The following HDAC6 variants were observed in gnomAD, a reference collection of about 807,000 sequenced individuals.
HDAC6 encodes histone deacetylase 6.
A neutral mutation model predicts 88.9 loss-of-function variants in HDAC6; 5 were observed. The ratio of observed to expected loss-of-function variants is 0.06; its 90% CI spans 0.03 to 0.12. HDAC6 has a LOEUF of 0.12. Among genes scored for constraint, HDAC6 ranks in the 10% least tolerant of loss-of-function variants. The pLI is 1.00. For synonymous variants in HDAC6, 378 were observed against 398.0 expected, an observed-to-expected ratio of 0.95 and a Z score of 0.60; for missense variants, 706 against 1,014.4, an observed-to-expected ratio of 0.70 and a Z score of 4.13.
At position 48,823,042 on chromosome X, in the gene HDAC6, A is replaced by C. The variant is rs1557030591; in HGVS notation, c.2643A>C (p.Lys881Asn). 3 of 1,211,364 alleles carry C rather than the reference A, an allele frequency of 2.5e-6. No individual in the cohort carries two copies. Among genetic ancestry groups the C allele is most frequent in the East Asian group, 3.0e-5 (1 of 33,843 alleles). ...EKKVLEAGMG[K>N]VTSASFGEES... is the part of the protein sequence containing the mutation. ...AGGTTCTGGAAGCAGGCATGGGGAA[A>C]GTCACCTCGGCATCATTTGGGGAAG... is the stretch of plus-strand genomic sequence containing the variant. The change falls in exon 25 of 29, where the codon AAA (lysine) becomes AAC (asparagine). Residue 881 changes from lysine (K) to asparagine (N), a missense_variant. By Grantham distance (94) the Lys-to-Asn change is moderately conservative. Transcript: ENST00000334136.
chrX:48,823,531 A>G lies in HDAC6; in HGVS notation c.3132A>G (p.Ile1044Met), dbSNP rs367767249. The G allele has an allele frequency of 6.0e-4, 730 of 1,208,169 alleles. No homozygotes were observed. Among genetic ancestry groups the G allele is most frequent in the Middle Eastern group, 1.4e-3 (6 of 4,373 alleles). The change falls in exon 25 of 29, where the codon ATA becomes ATG. Residue 1044 changes from isoleucine to methionine, a missense_variant. Ile to Met is a conservative substitution (Grantham distance 10). Around this residue, in one of 9 missense-constraint regions of HDAC6, gnomAD observed 112 missense variants for 95.1 expected, o/e 1.18. Coordinates refer to ENST00000334136, the MANE Select transcript of HDAC6 (RefSeq NM_006044.4). ...TSPVQGTTPQISPSTLIGSLR... is the reference protein window; with the variant it reads ...TSPVQGTTPQMSPSTLIGSLR... ...CTGTGCAGGGAACTACACCCCAGATATCTCCCAGTACACTGATTGGGAGTC... is the reference window on the plus strand; with the variant it reads ...CTGTGCAGGGAACTACACCCCAGATGTCTCCCAGTACACTGATTGGGAGTC...
chrX:48,812,061 T>TA (rs1284228028), intron 10 of HDAC6, among the ~76,000 whole-genome samples: 5 of 112,687 alleles, frequency 4.4e-5, no homozygotes, highest in Non-Finnish European at 7.5e-5. Flanking sequence ...TAACAATAAT[T>TA]ATTTTTTTAA....
At chrX:48,805,608 C>T (rs375526405) in intron 5 of HDAC6, 23 bp from the exon 6 acceptor site, 339 of 1,185,928 alleles carry the variant, frequency 2.9e-4, no homozygotes, top group Non-Finnish European at 3.7e-4. Context: ...CTTTACCCCA[C>T]TTTATTCCTC....
intron 14 of HDAC6, 24 bp downstream of exon 14, chrX:48,815,075 C>T (rs782721379): frequency 8.9e-7 from 1 of 1,125,033 alleles, no homozygotes; most frequent in South Asian, 1.9e-5. Flanking sequence ...CTTCGTCCCT[C>T]AGCCTGTGGA....
chrX:48,817,329 C>T lies in HDAC6; in HGVS notation c.1795C>T (p.Leu599=). Residue 599 remains leucine, a synonymous_variant, in exon 20 of 29, where the codon CTG becomes TTG. Coordinates refer to ENST00000334136, the MANE Select transcript of HDAC6 (RefSeq NM_006044.4). The part of the protein sequence containing the change: ...LVEAVLSGEV[L]NGAAVVRPPG... Reference sequence around the variant, plus strand: ...TTAGCACCCTGCTGCTTCCCAGGTTCTGAATGGTGCTGCTGTGGTGCGTCC... The same window carrying T: ...TTAGCACCCTGCTGCTTCCCAGGTTTTGAATGGTGCTGCTGTGGTGCGTCC... The T allele has an allele frequency of 8.3e-7, 1 of 1,200,047 alleles. No homozygotes were observed. The highest frequency in any genetic ancestry group is 1.1e-6 in the Non-Finnish European group (1 of 889,224).
intron 14 of HDAC6, 147 bp from the exon 15 acceptor site, chrX:48,815,237 A>G (rs2062964198): frequency 3.6e-6 from 2 of 557,575 alleles, no homozygotes; most frequent in African/African-American, 4.6e-5. Context: ...ATCACCTCAT[A>G]TCATTGTCCA....
At position 48,805,687 on chromosome X, in the gene HDAC6, C is replaced by T. The variant is rs782497046; in HGVS notation, c.437+16C>T. Reference sequence around the variant, plus strand: ...TGGTTCACAGGTGAAGGCTTGGGAGCCTTGTAGGGATGGGGAGGAGCCTGC... The same window carrying T: ...TGGTTCACAGGTGAAGGCTTGGGAGTCTTGTAGGGATGGGGAGGAGCCTGC... On this transcript the variant is annotated intron_variant, in intron 6 of 28. Transcript: ENST00000334136. 1.0e-4 allele frequency: 115 copies of T among 1,154,213 alleles called. No homozygotes were observed. Among genetic ancestry groups the T allele is most frequent in the African/African-American group, 1.4e-4 (8 of 55,697 alleles).
chrX:48,814,800 G>T, intron 12 of HDAC6, 34 bp from the exon 13 acceptor site: 1 of 1,208,638 alleles, frequency 8.3e-7, no homozygotes, highest in Middle Eastern at 2.3e-4. Flanking sequence ...GGCTGTGAGG[G>T]TAGGTAGCCT....
At chrX:48,817,918 A>T in intron 20 of HDAC6, 123 bp from the exon 21 acceptor site, 1 of 624,539 alleles carries the variant, frequency 1.6e-6, no homozygotes, top group Non-Finnish European at 2.6e-6. Context: ...TTTTCTCCTT[A>T]ACTGATAGGA....
chrX:48,820,244 C>A lies in HDAC6; in HGVS notation c.2326C>A (p.Leu776Ile). ...LMGLASGRII[L>I]ILEGGYNLTS... ...GGGCCTTGCCAGTGGCCGCATTATC[C>A]TTATCCTAGAGGTAACTTTCTCTTG... Residue 776 changes from leucine to isoleucine, a missense_variant, in exon 23 of 29, where the codon CTT becomes ATT. Leu to Ile is a conservative substitution (Grantham distance 5). Transcript: ENST00000334136. 1 of 1,187,124 alleles carries A rather than the reference C, an allele frequency of 8.4e-7. No homozygotes were observed. The highest frequency in any genetic ancestry group is 1.1e-6 in the Non-Finnish European group (1 of 882,993).
At chrX:48,819,103 C>T (rs1482681703) in intron 22 of HDAC6, among the ~76,000 whole-genome samples, 1 of 112,346 alleles carries the variant, frequency 8.9e-6, no homozygotes, top group East Asian at 2.8e-4. Context: ...CCAGGACAGC[C>T]TTCTGTGTGT....
intron 23 of HDAC6, among the ~76,000 whole-genome samples, chrX:48,820,541 A>G (rs2063064394): frequency 8.9e-6 from 1 of 111,884 alleles, no homozygotes; most frequent in Non-Finnish European, 1.9e-5. Context: ...TCTGAAGATC[A>G]GGGAAACTGA....
rs377605184 is a variant in HDAC6, at chrX:48,814,899, G to T, written c.1059+6G>T. ...CCCTGCAAGGGGACCCCAAGGTAAG[G>T]CAGGCTCCCTGGGGCGGCAGGTGGG... On this transcript the variant is annotated splice_donor_region_variant and intron_variant, in intron 13 of 28. Coordinates refer to ENST00000334136, the MANE Select transcript of HDAC6 (RefSeq NM_006044.4). 1 of 1,209,197 alleles carries T rather than the reference G, an allele frequency of 8.3e-7. No homozygotes were observed. The highest frequency in any genetic ancestry group is 1.1e-6 in the Non-Finnish European group (1 of 894,518).
intron 22 of HDAC6, among the ~76,000 whole-genome samples, chrX:48,819,197 G>A (rs1365670953): frequency 1.8e-5 from 2 of 112,404 alleles, no homozygotes; most frequent in Non-Finnish European, 3.8e-5. Context: ...GATGGCATGT[G>A]TATGTGACTG....
At chrX:48,804,023 C>T (rs782067556) in intron 4 of HDAC6, among the ~76,000 whole-genome samples, 3 of 111,532 alleles carry the variant, frequency 2.7e-5, no homozygotes, top group East Asian at 2.8e-4. Flanking sequence ...ATTAGTTGGG[C>T]GTGGTGGCAC....
chrX:48,808,458 C>G, intron 10 of HDAC6, 132 bp downstream of exon 10: 1 of 473,896 alleles, frequency 2.1e-6, no homozygotes, highest in Non-Finnish European at 3.6e-6. Context: ...AGGATCTGTG[C>G]TACTTTTGTG....
At chrX:48,805,692 T>C in intron 6 of HDAC6, 21 bp downstream of exon 6, 10 of 1,147,521 alleles carry the variant, frequency 8.7e-6, no homozygotes, top group Non-Finnish European at 1.2e-5. Flanking sequence ...GGGAGCCTTG[T>C]AGGGATGGGG....
Position 48,818,937 on chromosome X carries a change from G to A in HDAC6, c.2187+525G>A, listed in dbSNP as rs782618071. Among the ~76,000 whole-genome samples, 190 of 112,066 alleles carry A rather than the reference G, an allele frequency of 1.7e-3. 1 individual carries two copies. The highest frequency in any genetic ancestry group is 5.9e-3 in the African/African-American group (183 of 30,843). On this transcript the variant is annotated intron_variant, in intron 22 of 28. Coordinates refer to ENST00000334136, the MANE Select transcript of HDAC6 (RefSeq NM_006044.4). ...CTGTTTGTGTGTATGTCTCTGACTG[G>A]GAGGTAGCTGCCTTCCCTCTGTGTG... is the stretch of plus-strand genomic sequence containing the variant.
intron 18 of HDAC6, 61 bp from the exon 19 acceptor site, chrX:48,816,404 G>A: frequency 8.9e-7 from 1 of 1,126,088 alleles, no homozygotes; most frequent in Non-Finnish European, 1.2e-6. Flanking sequence ...TTAGGGGTGG[G>A]GACCAGGGAG....
Sources: allele counts gnomAD v4.1 joint callset (sites outside exome capture counted in the v4.1 genomes callset), GRCh38; gene constraint gnomAD v4.1.1; regional missense constraint gnomAD v4.1.1; transcripts MANE v1.5; gene names NCBI Gene and HGNC (gene_info 2026-07-23, HGNC 2026-07-21).